Variants in SORCS2 observed in about 807,000 individuals in gnomAD.
The protein encoded by SORCS2 is VPS10 domain-containing receptor SorCS2.
A neutral mutation model predicts 141.6 loss-of-function variants in SORCS2; 100 were observed. The observed-to-expected ratio is 0.71, with a 90% CI of 0.60 to 0.83. The LOEUF (loss-of-function observed/expected upper bound fraction) is 0.83. Among genes scored for constraint, SORCS2 ranks in the 40% least tolerant of loss-of-function variants. The pLI is 0.00. For synonymous variants in SORCS2, 789 were observed against 676.9 expected (o/e 1.17, Z -2.57); for missense variants, 1,646 against 1,560.2 (o/e 1.05, Z -0.93).
At chr4:7,294,055 C>A (rs1030269107) in intron 1 of SORCS2, among the ~76,000 whole-genome samples, 1 of 152,176 alleles carries the variant, frequency 6.6e-6, no homozygotes, top group Non-Finnish European at 1.5e-5. Flanking sequence ...TCCTACCTTC[C>A]GGAAGGTCAG....
At chr4:7,546,473 T>C (rs1438316635) in intron 3 of SORCS2, among the ~76,000 whole-genome samples, 1 of 152,172 alleles carries the variant, frequency 6.6e-6, no homozygotes, top group Non-Finnish European at 1.5e-5. Flanking sequence ...TCCATCGCAG[T>C]GAGGAATCCC....
intron 22 of SORCS2, 106 bp downstream of exon 22, chr4:7,728,568 G>GC: frequency 4.1e-6 from 3 of 725,586 alleles, no homozygotes; most frequent in Non-Finnish European, 6.7e-6. Context: ...GGGTGGCACT[G>GC]CCCCCGCACA....
intron 3 of SORCS2, among the ~76,000 whole-genome samples, chr4:7,561,855 C>G (rs1714607501): frequency 6.6e-6 from 1 of 152,148 alleles, no homozygotes. Flanking sequence ...ATCCATCTAC[C>G]CATCCATCAG....
intron 1 of SORCS2, among the ~76,000 whole-genome samples, chr4:7,375,436 G>A (rs888981443): frequency 2.6e-5 from 4 of 152,218 alleles, no homozygotes; most frequent in African/African-American, 4.8e-5. Context: ...TTGCAGCGTT[G>A]CGGGGCCATC....
chr4:7,591,663 T>C (rs1016335454), intron 3 of SORCS2, among the ~76,000 whole-genome samples: 11 of 152,176 alleles, frequency 7.2e-5, no homozygotes, highest in African/African-American at 2.7e-4. Context: ...GGATTAACGA[T>C]GACGAGGGGG....
chr4:7,722,919 C>T (rs535812737), intron 18 of SORCS2, among the ~76,000 whole-genome samples: 1 of 152,076 alleles, frequency 6.6e-6, no homozygotes, highest in Non-Finnish European at 1.5e-5. Context: ...ACGGTTTCCT[C>T]GTGCCCCTGG....
At chr4:7,511,015 C>T (rs1422291372) in intron 2 of SORCS2, among the ~76,000 whole-genome samples, 1 of 152,198 alleles carries the variant, frequency 6.6e-6, no homozygotes, top group Non-Finnish European at 1.5e-5. Flanking sequence ...GAGAAGGCCA[C>T]ATATGGTCCC....
chr4:7,586,964 C>T (rs1476827239), intron 3 of SORCS2, among the ~76,000 whole-genome samples: 1 of 151,964 alleles, frequency 6.6e-6, no homozygotes, highest in Non-Finnish European at 1.5e-5. Context: ...CTGTGTTGGA[C>T]TGTAGAGCTC....
intron 4 of SORCS2, among the ~76,000 whole-genome samples, chr4:7,653,338 G>A (rs1721556021): frequency 6.6e-6 from 1 of 152,186 alleles, no homozygotes; most frequent in Admixed American, 6.5e-5. Context: ...CCGCCTCCTG[G>A]GTTCAAGTGA....
At chr4:7,463,527 C>A (rs1729435860) in intron 2 of SORCS2, among the ~76,000 whole-genome samples, 1 of 152,296 alleles carries the variant, frequency 6.6e-6, no homozygotes, top group Middle Eastern at 3.4e-3. Context: ...CTCTCGACTC[C>A]AGGGCCTCCA....
chr4:7,286,870 T>G lies in SORCS2; in HGVS notation c.480+93744T>G, dbSNP rs1245191400. Among the ~76,000 whole-genome samples, 1 of 152,042 alleles carries G rather than the reference T, an allele frequency of 6.6e-6. No individual in the cohort carries two copies. The highest frequency in any genetic ancestry group is 1.5e-5 in the Non-Finnish European group (1 of 68,038). On this transcript the variant is annotated intron_variant, in intron 1 of 26. Transcript: ENST00000507866. The surrounding 1 kb of genome is among the most constrained non-coding windows in gnomAD (Gnocchi z 4.1). ...GCTATGGAAGGTCCCAAGAGGAAAG[T>G]GTCCTGACGGAGCTTCAGTAGCTGA...
chr4:7,207,795 G>A (rs1397762306), intron 1 of SORCS2, among the ~76,000 whole-genome samples: 2 of 152,162 alleles, frequency 1.3e-5, no homozygotes, highest in South Asian at 4.1e-4. Flanking sequence ...AACATTCAGC[G>A]ACTCCAGTTT....
intron 3 of SORCS2, among the ~76,000 whole-genome samples, chr4:7,574,670 T>C (rs1715630264): frequency 6.6e-6 from 1 of 151,530 alleles, no homozygotes; most frequent in Non-Finnish European, 1.5e-5. Flanking sequence ...GATGGCTGAG[T>C]ATTTACTGAG....
At chr4:7,278,445 C>G (rs1310845493) in intron 1 of SORCS2, among the ~76,000 whole-genome samples, 1 of 152,178 alleles carries the variant, frequency 6.6e-6, no homozygotes, top group East Asian at 1.9e-4. Flanking sequence ...AAGAGTTGTT[C>G]ATGAGGAAGG....
In SORCS2 at chr4:7,740,836, T is replaced by G. The variant is rs1712611758; in HGVS notation, c.*572T>G. On this transcript the variant is annotated 3_prime_UTR_variant, in exon 27 of 27. Transcript: ENST00000507866. ...GCAGCTCTGTAAATGCCTCTCTAGG[T>G]AGCTGCTGGCGGTGGTGGGGGTGTC... The G allele has an allele frequency of 2.6e-6, 1 of 387,970 alleles. No individual in the cohort carries two copies. The highest frequency in any genetic ancestry group is 3.7e-5 in the East Asian group (1 of 27,116). The allele number at this position is 387,970 out of a possible 1,614,324, so 24.0% of individuals were successfully genotyped here.
At chr4:7,322,713 G>C (rs1718974766) in intron 1 of SORCS2, among the ~76,000 whole-genome samples, 1 of 152,242 alleles carries the variant, frequency 6.6e-6, no homozygotes, top group Non-Finnish European at 1.5e-5. Context: ...TGGACTACAA[G>C]CTTGGCAAAG....
chr4:7,416,305 C>T (rs528663076), intron 2 of SORCS2, among the ~76,000 whole-genome samples: 5 of 152,214 alleles, frequency 3.3e-5, no homozygotes, highest in East Asian at 1.9e-4. Flanking sequence ...GCAAAGGAGG[C>T]GTGGTATTCA....
chr4:7,729,824 C>T (rs1210271011), intron 23 of SORCS2, 112 bp downstream of exon 23: 16 of 1,427,896 alleles, frequency 1.1e-5, no homozygotes, highest in Admixed American at 4.5e-5. Context: ...GCGTCTTTCT[C>T]GCTGCATCTC....
intron 2 of SORCS2, among the ~76,000 whole-genome samples, chr4:7,518,254 A>G (rs1433943772): frequency 1.3e-5 from 2 of 152,192 alleles, no homozygotes; most frequent in South Asian, 2.1e-4. Flanking sequence ...CTACGTTTCT[A>G]TCTAAGATAG....
Sources: gnomAD v4.1 joint callset for allele counts (sites outside exome capture counted in the v4.1 genomes callset) on GRCh38, gnomAD v4.1.1 for gene constraint, Gnocchi (gnomAD v3.1) non-coding constraint, MANE v1.5 for transcripts, NCBI Gene and HGNC (gene_info 2026-07-23, HGNC 2026-07-21) for gene names.